CFAP299: variants seen among roughly 807,000 people sequenced by gnomAD.
CFAP299 encodes the protein cilia- and flagella-associated protein 299.
A neutral mutation model predicts 27.0 loss-of-function variants in CFAP299; 21 were observed. The observed-to-expected ratio is 0.78, with a 90% CI of 0.55 to 1.12. The LOEUF (loss-of-function observed/expected upper bound fraction) is 1.12, where lower values mean the gene tolerates loss of function less well. Among genes scored for constraint, CFAP299 ranks in the 50% most tolerant of loss-of-function variants. The pLI is 0.00. For missense variants in CFAP299, 310 were observed against 276.6 expected (o/e 1.12, Z -0.86); for synonymous variants, 104 against 98.1 (o/e 1.06, Z -0.36).
chr4:80,824,982 C>A (rs937599765), intron 3 of CFAP299, among the ~76,000 whole-genome samples: 2 of 151,778 alleles, frequency 1.3e-5, no homozygotes, highest in East Asian at 3.9e-4. Flanking sequence ...TCTTTGCTAT[C>A]TTAAAGATAC....
At chr4:80,671,902 T>C (rs1327770103) in intron 3 of CFAP299, among the ~76,000 whole-genome samples, 1 of 152,142 alleles carries the variant, frequency 6.6e-6, no homozygotes, top group Non-Finnish European at 1.5e-5. Flanking sequence ...TGGACTGAGA[T>C]GATGGGGTTT....
intron 5 of CFAP299, among the ~76,000 whole-genome samples, chr4:80,952,640 C>G (rs1737842752): frequency 6.6e-6 from 1 of 152,104 alleles, no homozygotes; most frequent in South Asian, 2.1e-4. Context: ...GAGCAAAAGA[C>G]TAGACACATA....
At chr4:80,548,682 C>T (rs1242721002) in intron 2 of CFAP299, among the ~76,000 whole-genome samples, 1 of 152,100 alleles carries the variant, frequency 6.6e-6, no homozygotes, top group East Asian at 1.9e-4. Context: ...TCCTATCTCC[C>T]TGTATGTGTT....
intron 3 of CFAP299, among the ~76,000 whole-genome samples, chr4:80,589,238 T>G (rs757867101): frequency 2.6e-5 from 4 of 152,190 alleles, no homozygotes; most frequent in Admixed American, 6.5e-5. Context: ...AGAGGTTAAA[T>G]ATTTTGCCCA....
At chr4:80,423,607 G>T (rs1727393166) in intron 2 of CFAP299, among the ~76,000 whole-genome samples, 1 of 152,156 alleles carries the variant, frequency 6.6e-6, no homozygotes, top group Non-Finnish European at 1.5e-5. Context: ...CTAAACAGAT[G>T]TCCTCAGAGA....
At position 80,459,044 on chromosome 4, in the gene CFAP299, A is replaced by G. The variant is rs529876050; in HGVS notation, c.242+96160A>G. Reference sequence around the variant, plus strand: ...CATTCCGGCTGGAGTGCAGTGGTGCACTCACAGCTCACTGCAACCTCAAAC... The same window carrying G: ...CATTCCGGCTGGAGTGCAGTGGTGCGCTCACAGCTCACTGCAACCTCAAAC... On this transcript the variant is annotated intron_variant, in intron 2 of 5. Transcript: ENST00000358105. 3.3e-4 allele frequency among the ~76,000 whole-genome samples: 50 copies of G among 152,020 alleles called. 1 individual carries two copies. In the South Asian group the frequency reaches 0.01, roughly 31 times the overall value.
intron 3 of CFAP299, among the ~76,000 whole-genome samples, chr4:80,778,731 CT>C (rs751335483): frequency 6.6e-6 from 1 of 152,044 alleles, no homozygotes; most frequent in Non-Finnish European, 1.5e-5. Context: ...AAAAACTAAA[CT>C]TTTTATTTTG....
chr4:80,550,524 G>A (rs185254319), intron 2 of CFAP299, among the ~76,000 whole-genome samples: 60 of 152,032 alleles, frequency 3.9e-4, no homozygotes, highest in African/African-American at 1.4e-3. Flanking sequence ...ATTTGGTTGG[G>A]TAATATCATC....
chr4:80,502,593 T>A (rs1004178418), intron 2 of CFAP299, among the ~76,000 whole-genome samples: 2 of 152,102 alleles, frequency 1.3e-5, no homozygotes, highest in Non-Finnish European at 2.9e-5. Flanking sequence ...TTAAGACCAA[T>A]ATCTCCTTGA....
Position 80,640,703 on chromosome 4 carries a change from G to A in CFAP299, c.333+57520G>A, listed in dbSNP as rs199650083. Among the ~76,000 whole-genome samples the A allele has an allele frequency of 2.3e-4, 35 of 152,102 alleles. 1 individual carries two copies. The highest frequency in any genetic ancestry group is 8.8e-5 in the Non-Finnish European group (6 of 68,024). On this transcript the variant is annotated intron_variant, in intron 3 of 5. Coordinates refer to ENST00000358105, the MANE Select transcript of CFAP299 (RefSeq NM_152770.3). Reference sequence around the variant, plus strand: ...TATTCATTGTATTTGCTTACATGTAGTCTGTTTTTTCTCTGTGTTTATTTT... The same window carrying A: ...TATTCATTGTATTTGCTTACATGTAATCTGTTTTTTCTCTGTGTTTATTTT...
intron 2 of CFAP299, among the ~76,000 whole-genome samples, chr4:80,564,495 ACT>A (rs1735187846): frequency 6.6e-6 from 1 of 151,968 alleles, no homozygotes; most frequent in South Asian, 2.1e-4. Flanking sequence ...TATGATAAAA[ACT>A]CTCAAAAATC....
chr4:80,776,506 T>C (rs1726549348), intron 3 of CFAP299, among the ~76,000 whole-genome samples: 1 of 152,106 alleles, frequency 6.6e-6, no homozygotes, highest in Non-Finnish European at 1.5e-5. Flanking sequence ...AGAATTAAGA[T>C]GTTCTCACTC....
intron 4 of CFAP299, among the ~76,000 whole-genome samples, chr4:80,911,296 T>C (rs567618387): frequency 1.9e-4 from 29 of 151,934 alleles, no homozygotes; most frequent in Non-Finnish European, 3.4e-4. Context: ...TTTACCTTTT[T>C]TCACTCATGC....
At chr4:80,396,272 C>A (rs1187159829) in intron 2 of CFAP299, among the ~76,000 whole-genome samples, 1 of 152,002 alleles carries the variant, frequency 6.6e-6, no homozygotes, top group African/African-American at 2.4e-5. Flanking sequence ...TTCCAGCACT[C>A]AATAAATAAT....
chr4:80,581,453 G>GAGATATATATATATATATAT (rs1553936101), intron 2 of CFAP299, among the ~76,000 whole-genome samples: 1 of 103,030 alleles, frequency 9.7e-6, no homozygotes, highest in Non-Finnish European at 1.7e-5. Context: ...TATTAAGTGA[G>GAGATATATATATATATATAT]ATATATATAT....
chr4:80,405,001 A>G (rs1237458874), intron 2 of CFAP299, among the ~76,000 whole-genome samples: 2 of 152,194 alleles, frequency 1.3e-5, no homozygotes, highest in Non-Finnish European at 2.9e-5. Flanking sequence ...TAGCAGTTAC[A>G]TACTGACATA....
intron 3 of CFAP299, among the ~76,000 whole-genome samples, chr4:80,637,341 A>C (rs1343102242): frequency 6.6e-6 from 1 of 152,168 alleles, no homozygotes; most frequent in African/African-American, 2.4e-5. Context: ...ATAGACATGC[A>C]ATTTTTTTCC....
intron 3 of CFAP299, among the ~76,000 whole-genome samples, chr4:80,848,691 A>C (rs1412360156): frequency 1.3e-5 from 2 of 152,118 alleles, no homozygotes; most frequent in African/African-American, 4.8e-5. Flanking sequence ...ACGGAGGATC[A>C]GTTGAGCCCA....
intron 3 of CFAP299, among the ~76,000 whole-genome samples, chr4:80,857,557 G>C (rs977736905): frequency 6.6e-5 from 10 of 152,084 alleles, no homozygotes; most frequent in Admixed American, 3.9e-4. Flanking sequence ...ATAGATAGCT[G>C]TTATTATTTT....
Sources: gnomAD v4.1 joint callset for allele counts (sites outside exome capture counted in the v4.1 genomes callset) on GRCh38, gnomAD v4.1.1 for gene constraint, MANE v1.5 for transcripts, NCBI Gene and HGNC (gene_info 2026-07-23, HGNC 2026-07-21) for gene names.